FHIT: variants seen among roughly 807,000 people sequenced by gnomAD.
The protein encoded by FHIT is fragile histidine triad diadenosine triphosphatase.
Under a neutral mutation model 17.9 loss-of-function variants are expected in FHIT, and 19 were observed. The observed-to-expected ratio is 1.06, with a 90% CI of 0.74 to 1.56. FHIT has a LOEUF of 1.56. Among genes scored for constraint, FHIT ranks in the 40% most tolerant of loss-of-function variants. The probability of loss-of-function intolerance (pLI) is 0.00; values close to 1 mark genes in which losing one functional copy is unlikely to be tolerated. For synonymous variants in FHIT, 81 were observed against 69.7 expected (o/e 1.16, Z -0.81); for missense variants, 248 against 189.2 (o/e 1.31, Z -1.82).
At chr3:60,664,699 G>A (rs1294347937) in intron 4 of FHIT, among the ~76,000 whole-genome samples, 1 of 146,072 alleles carries the variant, frequency 6.8e-6, no homozygotes, top group Non-Finnish European at 1.5e-5. Flanking sequence ...TGTTGGCTGA[G>A]TTTAGCTAGT....
At chr3:60,045,693 C>A (rs534721542) in intron 5 of FHIT, among the ~76,000 whole-genome samples, 2 of 152,290 alleles carry the variant, frequency 1.3e-5, no homozygotes, top group South Asian at 4.1e-4. Flanking sequence ...CATGTGCCTC[C>A]AGGATGGAAA....
At chr3:61,131,854 C>T (rs917409757) in intron 2 of FHIT, among the ~76,000 whole-genome samples, 15 of 152,098 alleles carry the variant, frequency 9.9e-5, no homozygotes, top group Non-Finnish European at 1.6e-4. Context: ...GGTGTCAGAA[C>T]GGGATTAACA....
chr3:60,286,310 G>T (rs1418232795), intron 5 of FHIT, among the ~76,000 whole-genome samples: 1 of 152,088 alleles, frequency 6.6e-6, no homozygotes, highest in Non-Finnish European at 1.5e-5. Context: ...TAGAAACTTG[G>T]AATAAATTAG....
chr3:61,045,899 T>G (rs1055642260), intron 2 of FHIT, among the ~76,000 whole-genome samples: 1 of 151,870 alleles, frequency 6.6e-6, no homozygotes, highest in Non-Finnish European at 1.5e-5. Context: ...ACTGGGCACA[T>G]AACGAAATGA....
chr3:61,196,096 G>T (rs1028764950), intron 2 of FHIT, among the ~76,000 whole-genome samples: 9 of 152,052 alleles, frequency 5.9e-5, no homozygotes, highest in African/African-American at 2.2e-4. Flanking sequence ...AGAGTGGAAA[G>T]GATCAGAGAG....
intron 5 of FHIT, among the ~76,000 whole-genome samples, chr3:60,519,979 G>A (rs1242826882): frequency 2.6e-5 from 4 of 152,096 alleles, no homozygotes; most frequent in Non-Finnish European, 5.9e-5. Flanking sequence ...CACCCCAATA[G>A]CAATACAAGG....
In FHIT at chr3:60,364,073, T is replaced by C. The variant is rs75051952; in HGVS notation, c.103+172787A>G. On this transcript the variant is annotated intron_variant, in intron 5 of 9. Coordinates refer to ENST00000492590, the MANE Select transcript of FHIT (RefSeq NM_002012.4). Reference sequence around the variant, plus strand: ...GGTTTCCCTGCACCCAGCCCACAACTTTGTAAACAGTCCCATTGTAAATAT... The same window carrying C: ...GGTTTCCCTGCACCCAGCCCACAACCTTGTAAACAGTCCCATTGTAAATAT... 6.4e-3 allele frequency among the ~76,000 whole-genome samples: 975 copies of C among 152,332 alleles called. 17 individuals are homozygous for C. The highest frequency in any genetic ancestry group is 0.023 in the African/African-American group (940 of 41,562).
chr3:59,810,993 C>T (rs1231889699), intron 8 of FHIT, among the ~76,000 whole-genome samples: 1 of 152,254 alleles, frequency 6.6e-6, no homozygotes, highest in Non-Finnish European at 1.5e-5. Context: ...GGTCTGCTCT[C>T]AAGCCAGTGT....
chr3:59,768,377 A>G (rs1701906617), intron 8 of FHIT, among the ~76,000 whole-genome samples: 1 of 151,996 alleles, frequency 6.6e-6, no homozygotes, highest in Non-Finnish European at 1.5e-5. Flanking sequence ...TCATGTGAGT[A>G]GGAGTTATTC....
rs78120749 is a variant in FHIT, at chr3:60,575,334, G to C, written c.-17-38355C>G. On this transcript the variant is annotated intron_variant, in intron 4 of 9. Transcript: ENST00000492590. ...TTAAGGAATTAGAAATGTAAGCTGA[G>C]CTCCAGATACTGGAAGACTTTTAGT... 5.5e-3 allele frequency among the ~76,000 whole-genome samples: 833 copies of C among 152,208 alleles called. 4 individuals carry two copies. The highest frequency in any genetic ancestry group is 0.019 in the African/African-American group (800 of 41,546).
chr3:60,342,607 C>T (rs551826977), intron 5 of FHIT, among the ~76,000 whole-genome samples: 5 of 152,072 alleles, frequency 3.3e-5, no homozygotes, highest in African/African-American at 7.2e-5. Flanking sequence ...TATGAGTTGG[C>T]CCATTCCCTC....
At chr3:60,341,059 T>C (rs1173178519) in intron 5 of FHIT, among the ~76,000 whole-genome samples, 13 of 152,140 alleles carry the variant, frequency 8.5e-5, no homozygotes, top group African/African-American at 3.1e-4. Flanking sequence ...ACCTCCATAT[T>C]TGGATGGCTG....
intron 4 of FHIT, among the ~76,000 whole-genome samples, chr3:60,737,904 T>A (rs1012992921): frequency 2.6e-5 from 4 of 152,182 alleles, no homozygotes; most frequent in Non-Finnish European, 5.9e-5. Flanking sequence ...ACATAAGTCA[T>A]GAGCATTGAA....
intron 5 of FHIT, among the ~76,000 whole-genome samples, chr3:60,092,147 G>T (rs1703760304): frequency 2.0e-5 from 3 of 152,206 alleles, no homozygotes; most frequent in Admixed American, 2.0e-4. Flanking sequence ...AGCTATGCCA[G>T]TATGTTGCAG....
intron 4 of FHIT, among the ~76,000 whole-genome samples, chr3:60,765,260 T>C (rs1553721075): frequency 6.6e-6 from 1 of 152,202 alleles, no homozygotes; most frequent in South Asian, 2.1e-4. Context: ...CTCAAGTGTC[T>C]TTCTACTACA....
At chr3:59,884,887 G>T (rs912327191) in intron 8 of FHIT, among the ~76,000 whole-genome samples, 2 of 152,164 alleles carry the variant, frequency 1.3e-5, no homozygotes, top group African/African-American at 4.8e-5. Context: ...AATGTTAAAA[G>T]ATTCTGTACA....
chr3:61,020,970 C>A (rs1383225231), intron 3 of FHIT, among the ~76,000 whole-genome samples: 5 of 152,120 alleles, frequency 3.3e-5, no homozygotes, highest in African/African-American at 7.2e-5. Flanking sequence ...ATCAATGCAA[C>A]AAGAAGAGCT....
chr3:61,065,072 A>G (rs1379602654), intron 2 of FHIT, among the ~76,000 whole-genome samples: 1 of 152,166 alleles, frequency 6.6e-6, no homozygotes, highest in African/African-American at 2.4e-5. Context: ...GTCTTATTAT[A>G]TAGACTGATT....
intron 7 of FHIT, among the ~76,000 whole-genome samples, chr3:59,987,125 A>C (rs985283831): frequency 6.9e-5 from 10 of 144,022 alleles, no homozygotes; most frequent in Admixed American, 1.4e-4. Context: ...TTTTATATAG[A>C]TATAAAATAT....
Sources: allele counts gnomAD v4.1 joint callset (sites outside exome capture counted in the v4.1 genomes callset), GRCh38; gene constraint gnomAD v4.1.1; transcripts MANE v1.5; gene names NCBI Gene and HGNC (gene_info 2026-07-23, HGNC 2026-07-21).